Variants in ME1 observed in about 807,000 individuals in gnomAD.
The protein encoded by ME1 is malic enzyme 1.
ME1 carries 74 observed loss-of-function variants against 66.4 expected under a neutral mutation model. That is an observed-to-expected ratio of 1.11 (90% CI 0.92 to 1.35). ME1 has a LOEUF of 1.35. ME1 is among the 40% of genes most tolerant of loss of function. The pLI is 0.00. For synonymous variants in ME1, 251 were observed against 235.6 expected, an observed-to-expected ratio of 1.07 and a Z score of -0.60; for missense variants, 750 against 694.1, an observed-to-expected ratio of 1.08 and a Z score of -0.90.
At chr6:83,291,176 T>C (rs570327530) in intron 6 of ME1, among the ~76,000 whole-genome samples, 32 of 152,326 alleles carry the variant, frequency 2.1e-4, no homozygotes, top group African/African-American at 7.5e-4. Flanking sequence ...TGTTAGCTGG[T>C]TATTTCACCT....
chr6:83,392,945 C>A, intron 3 of ME1: 1 of 828,408 alleles, frequency 1.2e-6, no homozygotes, highest in Non-Finnish European at 2.1e-6. Context: ...TCATGACCAT[C>A]GCTGCCACCC....
intron 2 of ME1, among the ~76,000 whole-genome samples, chr6:83,399,963 A>G (rs1375536758): frequency 6.6e-6 from 1 of 152,252 alleles, no homozygotes; most frequent in Non-Finnish European, 1.5e-5. Flanking sequence ...TGCTAAATCA[A>G]TGGTCCATTC....
intron 3 of ME1, among the ~76,000 whole-genome samples, chr6:83,379,719 A>G (rs2128548354): frequency 6.6e-6 from 1 of 152,198 alleles, no homozygotes; most frequent in South Asian, 2.1e-4. Flanking sequence ...ACATGTTATA[A>G]CATTAAACCA....
At chr6:83,315,212 T>C (rs563402144) in intron 6 of ME1, 98 bp downstream of exon 6, 4 of 706,418 alleles carry the variant, frequency 5.7e-6, no homozygotes, top group Admixed American at 5.1e-5. Context: ...TTCAAATTAC[T>C]TCTAATTATT....
chr6:83,320,333 G>T (rs1291642857), intron 5 of ME1, among the ~76,000 whole-genome samples: 1 of 152,224 alleles, frequency 6.6e-6, no homozygotes, highest in Non-Finnish European at 1.5e-5. Flanking sequence ...CACACTTGTT[G>T]TCCTGTTGTA....
chr6:83,392,755 G>A, intron 3 of ME1: 1 of 658,864 alleles, frequency 1.5e-6, no homozygotes. Flanking sequence ...TCACTTGGAG[G>A]GAGGAGCCAA....
At chr6:83,340,579 T>C (rs920677098) in intron 5 of ME1, among the ~76,000 whole-genome samples, 1 of 152,144 alleles carries the variant, frequency 6.6e-6, no homozygotes, top group Non-Finnish European at 1.5e-5. Context: ...ATGAGGTAAG[T>C]ACTCATTTTA....
chr6:83,246,813 A>G (rs776368459), intron 7 of ME1, among the ~76,000 whole-genome samples: 20 of 152,116 alleles, frequency 1.3e-4, no homozygotes, highest in Admixed American at 2.0e-4. Context: ...GTATCAATCT[A>G]TACTTCTACC....
intron 7 of ME1, among the ~76,000 whole-genome samples, chr6:83,251,263 G>C (rs1790718287): frequency 6.6e-6 from 1 of 152,096 alleles, no homozygotes; most frequent in Non-Finnish European, 1.5e-5. Context: ...AGGAGGCTGA[G>C]GCGGGCAGAT....
rs747274917 is a variant in ME1 at position 83,407,914 on chromosome 6, A to AACAC, written c.79-17_79-14dup. The AACAC allele has an allele frequency of 1.9e-6, 3 of 1,577,482 alleles. No homozygotes were observed. The highest frequency in any genetic ancestry group is 2.6e-6 in the Non-Finnish European group (3 of 1,164,332). On this transcript the variant is annotated splice_polypyrimidine_tract_variant and intron_variant, in intron 1 of 13. Coordinates refer to ENST00000369705, the MANE Select transcript of ME1 (RefSeq NM_002395.6). Reference sequence around the variant, plus strand: ...TAAAGGCCAAGTCCTATAGAGAAAAAACACACACACACACACAACAGTATT... The same window carrying AACAC: ...TAAAGGCCAAGTCCTATAGAGAAAAAACACACACACACACACACACAACAGTATT...
At chr6:83,222,039 A>G (rs1790100980) in intron 12 of ME1, among the ~76,000 whole-genome samples, 1 of 151,996 alleles carries the variant, frequency 6.6e-6, no homozygotes, top group Non-Finnish European at 1.5e-5. Context: ...CTTTTCTTGG[A>G]GAGTAAACTG....
chr6:83,211,803 G>T lies in ME1; in HGVS notation c.*121C>A. 4.8e-6 allele frequency: 3 copies of T among 621,094 alleles called. No homozygotes were observed. Among genetic ancestry groups the T allele is most frequent in the Non-Finnish European group, 7.3e-6 (3 of 410,308 alleles). The allele number at this position is 621,094 out of a possible 1,614,324, so 38.5% of individuals were successfully genotyped here. A position where few individuals can be genotyped will look rare whatever the true frequency, so the allele number is the denominator to read the frequency against. On this transcript the variant is annotated 3_prime_UTR_variant, in exon 14 of 14. Coordinates refer to ENST00000369705, the MANE Select transcript of ME1 (RefSeq NM_002395.6). ...ATCGATATTCTTCTATCAATTTTTA[G>T]ACTGTTAAAGTAAAATCTTAATCTA... is the stretch of plus-strand genomic sequence containing the variant.
At chr6:83,394,429 A>G (rs2128550238) in intron 3 of ME1, among the ~76,000 whole-genome samples, 1 of 152,324 alleles carries the variant, frequency 6.6e-6, no homozygotes, top group Non-Finnish European at 1.5e-5. Flanking sequence ...CAAAATATGT[A>G]TATCTAATAT....
intron 2 of ME1, among the ~76,000 whole-genome samples, chr6:83,404,844 C>T (rs953963312): frequency 6.6e-6 from 1 of 152,196 alleles, no homozygotes; most frequent in Non-Finnish European, 1.5e-5. Flanking sequence ...TCTGAGGCCT[C>T]TGTTCTGTTC....
chr6:83,255,822 C>T (rs1766758891), intron 6 of ME1, among the ~76,000 whole-genome samples: 1 of 152,082 alleles, frequency 6.6e-6, no homozygotes, highest in Non-Finnish European at 1.5e-5. Context: ...TTACTCTTCA[C>T]AACCACTCTA....
chr6:83,387,060 T>G (rs1215067612), intron 3 of ME1, among the ~76,000 whole-genome samples: 1 of 152,162 alleles, frequency 6.6e-6, no homozygotes, highest in African/African-American at 2.4e-5. Flanking sequence ...AAAATTTAAT[T>G]TGCAGTTATT....
rs118188118 is a variant in ME1 at position 83,385,095 on chromosome 6, T to C, written c.362+13272A>G. 7.5e-3 allele frequency among the ~76,000 whole-genome samples: 1,141 copies of C among 152,040 alleles called. 32 individuals are homozygous for C. Among genetic ancestry groups the C allele is most frequent in the East Asian group, 0.061 (314 of 5,178 alleles). ...TAAACATTCCTATTTCCACCAACTG[T>C]TTCTCACATGACAAGTTTTCAGTAA... On this transcript the variant is annotated intron_variant, in intron 3 of 13. Coordinates refer to ENST00000369705, the MANE Select transcript of ME1 (RefSeq NM_002395.6).
rs530791327 is a variant in ME1, at chr6:83,274,133, C to T, written c.705-20395G>A. Among the ~76,000 whole-genome samples, 14 of 152,242 alleles carry T rather than the reference C, an allele frequency of 9.2e-5. No homozygotes were observed. The South Asian group carries it at 2.7e-3, about 29-fold the overall frequency. ...AAATATGGAGAAGAATAATATGAAA[C>T]TATTTTATGCTTGCTACCTGATTTT... On this transcript the variant is annotated intron_variant, in intron 6 of 13. Transcript: ENST00000369705.
intron 1 of ME1, among the ~76,000 whole-genome samples, chr6:83,415,778 C>T (rs957906641): frequency 6.6e-6 from 1 of 152,146 alleles, no homozygotes; most frequent in Non-Finnish European, 1.5e-5. Context: ...TCAAGATCAA[C>T]TTTGGTTTGA....
Sources: gnomAD v4.1 joint callset for allele counts (sites outside exome capture counted in the v4.1 genomes callset) on GRCh38, gnomAD v4.1.1 for gene constraint, MANE v1.5 for transcripts, NCBI Gene and HGNC (gene_info 2026-07-23, HGNC 2026-07-21) for gene names.